SAV1: variants seen among roughly 807,000 people sequenced by gnomAD.
SAV1 encodes salvador family WW domain containing protein 1.
SAV1 carries 23 observed loss-of-function variants against 47.3 expected under a neutral mutation model. That is an observed-to-expected ratio of 0.49 (90% CI 0.35 to 0.69). The LOEUF is 0.69. SAV1 is among the 30% of genes least tolerant of loss of function. The pLI is 0.01. For synonymous variants in SAV1, 155 were observed against 159.2 expected, an observed-to-expected ratio of 0.97 and a Z score of 0.20; for missense variants, 448 against 457.4, an observed-to-expected ratio of 0.98 and a Z score of 0.19.
At chr14:50,646,708 T>C (rs2039725338) in intron 2 of SAV1, among the ~76,000 whole-genome samples, 2 of 146,984 alleles carry the variant, frequency 1.4e-5, no homozygotes, top group Non-Finnish European at 1.5e-5. Context: ...AAAAAAAAAT[T>C]CCATGGAGTT....
intron 3 of SAV1, among the ~76,000 whole-genome samples, chr14:50,642,026 C>A (rs2039684212): frequency 6.6e-6 from 1 of 152,032 alleles, no homozygotes; most frequent in African/African-American, 2.4e-5. Context: ...TACTACCCAG[C>A]CATAAAAAAG....
At chr14:50,648,584 C>G (rs903737039) in intron 2 of SAV1, among the ~76,000 whole-genome samples, 3 of 152,070 alleles carry the variant, frequency 2.0e-5, no homozygotes, top group Non-Finnish European at 2.9e-5. Context: ...TCGAGACCAT[C>G]CTGGCTAACA....
In SAV1 at chr14:50,644,945, G is replaced by A. The variant is rs779305390; in HGVS notation, c.605C>T (p.Pro202Leu). 5.0e-6 allele frequency: 8 copies of A among 1,613,910 alleles called. No homozygotes were observed. The highest frequency in any genetic ancestry group is 3.3e-5 in the Admixed American group (2 of 60,014). The change falls in exon 3 of 5, where the codon CCT becomes CTT. Residue 202 changes from proline (P) to leucine (L), a missense_variant. Transcript: ENST00000324679. ...TGTCCAGTCCACAGACCAGCCAGGA[G>A]GAAGGGGTAAATCTTCAGAACCATG... ...TNHGSEDLPL[P>L]PGWSVDWTMR...
chr14:50,650,440 T>C (rs1289248339), intron 2 of SAV1, among the ~76,000 whole-genome samples: 2 of 152,244 alleles, frequency 1.3e-5, no homozygotes, highest in Non-Finnish European at 2.9e-5. Context: ...TACATATATG[T>C]AGTAGCCAGC....
At chr14:50,647,297 AAATC>A (rs554362717) in intron 2 of SAV1, among the ~76,000 whole-genome samples, 1 of 152,184 alleles carries the variant, frequency 6.6e-6, no homozygotes, top group Non-Finnish European at 1.5e-5. Flanking sequence ...AAGAGAAAGA[AAATC>A]AAGCTGTAAA....
chr14:50,658,830 A>T (rs1298423653), intron 2 of SAV1, among the ~76,000 whole-genome samples: 2 of 152,212 alleles, frequency 1.3e-5, no homozygotes, highest in African/African-American at 4.8e-5. Context: ...AGGTGAATTC[A>T]AGAAACTTTC....
At chr14:50,664,696 T>C (rs563099516) in intron 2 of SAV1, 16 of 152,516 alleles carry the variant, frequency 1.0e-4, no homozygotes, top group African/African-American at 3.8e-4. Context: ...AACTACTTTT[T>C]GTTGAGAAAA....
intron 4 of SAV1, among the ~76,000 whole-genome samples, chr14:50,640,218 A>C (rs191401418): frequency 6.6e-6 from 1 of 152,276 alleles, no homozygotes; most frequent in East Asian, 1.9e-4. Flanking sequence ...TCCTCAGATC[A>C]AGCTATCCTC....
intron 2 of SAV1, among the ~76,000 whole-genome samples, chr14:50,652,928 G>A (rs2039781279): frequency 1.3e-5 from 2 of 152,170 alleles, no homozygotes; most frequent in East Asian, 1.9e-4. Context: ...CTATTCAGGA[G>A]GCTGAGGCAG....
intron 2 of SAV1, chr14:50,663,307 T>A (rs2039875352): frequency 1.3e-5 from 2 of 152,214 alleles, no homozygotes; most frequent in Non-Finnish European, 2.9e-5. Context: ...TTTTGCAAAT[T>A]TCCTGTAATA....
intron 2 of SAV1, among the ~76,000 whole-genome samples, chr14:50,659,242 T>C (rs907706920): frequency 2.0e-5 from 3 of 152,270 alleles, no homozygotes; most frequent in South Asian, 4.1e-4. Flanking sequence ...GGCTATTCCA[T>C]GAAATCAAAT....
At chr14:50,655,901 C>T (rs369940024) in intron 2 of SAV1, among the ~76,000 whole-genome samples, 30 of 152,112 alleles carry the variant, frequency 2.0e-4, no homozygotes, top group South Asian at 1.5e-3. Context: ...CAAACTTAGC[C>T]GGGCATGGTG....
chr14:50,647,543 T>C (rs1224912984), intron 2 of SAV1, among the ~76,000 whole-genome samples: 1 of 151,834 alleles, frequency 6.6e-6, no homozygotes, highest in African/African-American at 2.4e-5. Context: ...CTCCGGTCTG[T>C]GCAACAGAGT....
chr14:50,663,352 C>G (rs1409589521), intron 2 of SAV1, among the ~76,000 whole-genome samples: 1 of 152,106 alleles, frequency 6.6e-6, no homozygotes, highest in Non-Finnish European at 1.5e-5. Flanking sequence ...TATAAATGAG[C>G]TTTATTTTTA....
rs1466490903 is a variant in SAV1, at chr14:50,634,217, C to G, written c.*966G>C. On this transcript the variant is annotated 3_prime_UTR_variant, in exon 5 of 5. Coordinates refer to ENST00000324679, the MANE Select transcript of SAV1 (RefSeq NM_021818.4). ...GATGTTAGCAACTTTGAGTTTCACGCACCTTCCCAATACAGGCTAAGTATT... is the reference window on the plus strand; with the variant it reads ...GATGTTAGCAACTTTGAGTTTCACGGACCTTCCCAATACAGGCTAAGTATT... 4.4e-6 allele frequency: 2 copies of G among 454,726 alleles called. No individual in the cohort carries two copies. The highest frequency in any genetic ancestry group is 2.0e-5 in the African/African-American group (1 of 50,056). 28.2% of individuals were successfully genotyped at this position (454,726 alleles called of 1,614,324 possible).
chr14:50,636,428 C>T (rs947827065), intron 4 of SAV1, among the ~76,000 whole-genome samples: 11 of 151,986 alleles, frequency 7.2e-5, no homozygotes, highest in Non-Finnish European at 1.6e-4. Flanking sequence ...AAAAAACAAA[C>T]AGGAAAACTA....
Position 50,644,858 on chromosome 14 carries a change from A to G in SAV1, c.692T>C (p.Leu231Pro). The G allele has an allele frequency of 6.2e-7, 1 of 1,614,188 alleles. No individual in the cohort carries two copies. The highest frequency in any genetic ancestry group is 8.5e-7 in the Non-Finnish European group (1 of 1,180,032). The change falls in exon 3 of 5, where the codon CTT becomes CCT. Residue 231 changes from leucine to proline, a missense_variant. Physicochemically the swap from Leu to Pro is moderately conservative, Grantham distance 98. Coordinates refer to ENST00000324679, the MANE Select transcript of SAV1 (RefSeq NM_021818.4). ...NTNTTHWSHP[L>P]EREGLPPGWE... ...TCCAGGAGGAAGTCCTTCTCGCTCAAGAGGATGGCTCCAGTGAGTTGTATT... is the reference window on the plus strand; with the variant it reads ...TCCAGGAGGAAGTCCTTCTCGCTCAGGAGGATGGCTCCAGTGAGTTGTATT...
intron 3 of SAV1, among the ~76,000 whole-genome samples, chr14:50,641,930 T>C (rs1441279827): frequency 1.3e-5 from 2 of 152,130 alleles, no homozygotes. Context: ...GCAGCACTAT[T>C]CACAATAGCA....
chr14:50,655,705 C>G (rs532662418), intron 2 of SAV1, among the ~76,000 whole-genome samples: 2 of 152,018 alleles, frequency 1.3e-5, no homozygotes, highest in African/African-American at 4.8e-5. Flanking sequence ...GGATTCCAGG[C>G]GTGAGCCACT....
Sources: allele counts gnomAD v4.1 joint callset (sites outside exome capture counted in the v4.1 genomes callset), GRCh38; gene constraint gnomAD v4.1.1; transcripts MANE v1.5; gene names NCBI Gene and HGNC (gene_info 2026-07-23, HGNC 2026-07-21).